The following PHF21A variants were observed in gnomAD, a reference collection of about 807,000 sequenced individuals.
The protein encoded by PHF21A is BHC80a.
A neutral mutation model predicts 82.5 loss-of-function variants in PHF21A; 11 were observed. The observed-to-expected ratio is 0.13, with a 90% confidence interval of 0.08 to 0.22. The LOEUF is 0.22. Among genes scored for constraint, PHF21A ranks in the 10% least tolerant of loss-of-function variants. The pLI, the probability that PHF21A is intolerant of heterozygous loss-of-function variation, is 1.00. For missense variants in PHF21A, 579 were observed against 837.8 expected, an observed-to-expected ratio of 0.69 and a Z score of 3.81; for synonymous variants, 297 against 302.8, an observed-to-expected ratio of 0.98 and a Z score of 0.20.
intron 6 of PHF21A, among the ~76,000 whole-genome samples, chr11:46,061,975 C>G (rs557380504): frequency 2.2e-4 from 34 of 152,256 alleles, no homozygotes; most frequent in African/African-American, 7.9e-4. Flanking sequence ...TACTGGAAAT[C>G]ACTGCTTTTC....
intron 6 of PHF21A, among the ~76,000 whole-genome samples, chr11:46,031,297 T>C (rs2095862328): frequency 6.6e-6 from 1 of 152,186 alleles, no homozygotes; most frequent in Non-Finnish European, 1.5e-5. Context: ...ATAATATAAT[T>C]CTAACTATAC....
intron 6 of PHF21A, among the ~76,000 whole-genome samples, chr11:46,037,126 A>AT (rs1475702588): frequency 1.3e-5 from 2 of 152,132 alleles, no homozygotes. Context: ...TCAAAGACTC[A>AT]TTTTTTGGTT....
chr11:46,068,604 C>A, intron 6 of PHF21A, among the ~76,000 whole-genome samples: 1 of 152,106 alleles, frequency 6.6e-6, no homozygotes, highest in Non-Finnish European at 1.5e-5. Flanking sequence ...ACAAACTTGG[C>A]CTTTGATTTG....
chr11:45,978,091 G>A (rs1307931124), intron 7 of PHF21A, among the ~76,000 whole-genome samples: 1 of 152,116 alleles, frequency 6.6e-6, no homozygotes, highest in East Asian at 1.9e-4. Flanking sequence ...CACGAGGTCA[G>A]GAGTTCGAGA....
intron 6 of PHF21A, among the ~76,000 whole-genome samples, chr11:46,009,032 T>C (rs1056965503): frequency 6.8e-6 from 1 of 146,000 alleles, no homozygotes; most frequent in African/African-American, 2.6e-5. Context: ...TGGAGTGCAG[T>C]GGCGTGATCC....
intron 1 of PHF21A, among the ~76,000 whole-genome samples, chr11:46,095,139 G>C (rs555178681): frequency 3.9e-5 from 6 of 152,094 alleles, no homozygotes; most frequent in African/African-American, 1.4e-4. Context: ...AAATCCCAAA[G>C]TGTTTCTTCT....
At chr11:46,003,958 T>C (rs559632568) in intron 6 of PHF21A, among the ~76,000 whole-genome samples, 6 of 152,334 alleles carry the variant, frequency 3.9e-5, no homozygotes, top group African/African-American at 1.4e-4. Flanking sequence ...TATGAAAATA[T>C]GTATCATCCT....
chr11:45,956,370 A>T (rs1375906287), intron 10 of PHF21A, among the ~76,000 whole-genome samples: 1 of 152,232 alleles, frequency 6.6e-6, no homozygotes, highest in Non-Finnish European at 1.5e-5. Flanking sequence ...CACACAATGT[A>T]TAAGATATAA....
chr11:45,985,503 G>A (rs1125290), intron 6 of PHF21A, among the ~76,000 whole-genome samples: 2 of 151,962 alleles, frequency 1.3e-5, no homozygotes, highest in African/African-American at 4.8e-5. Flanking sequence ...AATTCAATAA[G>A]AGAATCTGCA....
chr11:46,091,424 C>A (rs538170060), intron 2 of PHF21A, among the ~76,000 whole-genome samples: 1 of 152,202 alleles, frequency 6.6e-6, no homozygotes, highest in South Asian at 2.1e-4. Flanking sequence ...TTAAAAAAAC[C>A]TCTCAAAGTA....
intron 15 of PHF21A, 114 bp downstream of exon 15, chr11:45,945,726 T>C (rs987366795): frequency 1.2e-6 from 1 of 851,750 alleles, no homozygotes; most frequent in Non-Finnish European, 1.8e-6. Flanking sequence ...TAGTGTTTAA[T>C]TGCTGTTCCA....
chr11:45,934,218 A>G lies in PHF21A; in HGVS notation c.1796T>C (p.Met599Thr), dbSNP rs370166935. Residue 599 changes from methionine to threonine, a missense_variant, in exon 19 of 19, where the codon ATG becomes ACG. By Grantham distance (81) the Met-to-Thr change is moderately conservative. Transcript: ENST00000676320. Reference sequence around the variant, plus strand: ...GGCCAGGATGGTGTTCTTCATTTCCATGCATTTCTGCAGCAAATGACAAGG... The same window carrying G: ...GGCCAGGATGGTGTTCTTCATTTCCGTGCATTTCTGCAGCAAATGACAAGG... ...KQLSNSISKC[M>T]EMKNTILARQ... 9.9e-6 allele frequency: 16 copies of G among 1,612,294 alleles called. No individual in the cohort carries two copies. Among genetic ancestry groups the G allele is most frequent in the African/African-American group, 1.3e-5 (1 of 74,896 alleles).
Position 45,934,031 on chromosome 11 carries a change from C to T in PHF21A, c.1983G>A (p.Pro661=), listed in dbSNP as rs377700825. 1.5e-4 allele frequency: 242 copies of T among 1,611,600 alleles called. No homozygotes were observed. The highest frequency in any genetic ancestry group is 1.8e-4 in the Non-Finnish European group (207 of 1,178,856). ...TPPANAATST[P]APSPSSQSCT... ...AGCTCTGGGAGGAGGGGGAAGGGGCCGGCGTGGAGGTGGCGGCATTGGCAG... is the reference window on the plus strand; with the variant it reads ...AGCTCTGGGAGGAGGGGGAAGGGGCTGGCGTGGAGGTGGCGGCATTGGCAG... Residue 661 remains proline, a synonymous_variant, in exon 19 of 19, where the codon CCG becomes CCA. Transcript: ENST00000676320.
intron 6 of PHF21A, among the ~76,000 whole-genome samples, chr11:46,009,618 T>C (rs554267616): frequency 1.6e-4 from 25 of 152,316 alleles, no homozygotes; most frequent in African/African-American, 6.0e-4. Context: ...TAGTATGCTA[T>C]TTTACAGATG....
chr11:46,083,284 G>T (rs2096816398), intron 4 of PHF21A, among the ~76,000 whole-genome samples: 1 of 152,052 alleles, frequency 6.6e-6, no homozygotes, highest in East Asian at 1.9e-4. Context: ...AGGGATTTCT[G>T]AACAGGTGCT....
intron 15 of PHF21A, 64 bp downstream of exon 15, chr11:45,945,776 T>C: frequency 1.5e-6 from 2 of 1,370,992 alleles, no homozygotes; most frequent in Non-Finnish European, 2.0e-6. Context: ...GGAGACAACA[T>C]ATGATAACGC....
chr11:45,950,320 G>T, intron 11 of PHF21A, 63 bp from the exon 12 acceptor site: 3 of 1,423,540 alleles, frequency 2.1e-6, no homozygotes, highest in Non-Finnish European at 2.0e-6. Context: ...CCAATTGCCA[G>T]TTCCTAGTAG....
intron 15 of PHF21A, 34 bp downstream of exon 15, chr11:45,945,806 C>A: frequency 6.5e-7 from 1 of 1,537,906 alleles, no homozygotes; most frequent in South Asian, 1.3e-5. Context: ...TTTAAGCTCT[C>A]AGAAAGACAG....
chr11:45,998,691 T>C (rs1030566697), intron 6 of PHF21A, among the ~76,000 whole-genome samples: 1 of 151,986 alleles, frequency 6.6e-6, no homozygotes, highest in Non-Finnish European at 1.5e-5. Context: ...TTTGTATTTT[T>C]AGTAGAGACG....
Sources: gnomAD v4.1 joint callset for allele counts (sites outside exome capture counted in the v4.1 genomes callset) on GRCh38, gnomAD v4.1.1 for gene constraint, MANE v1.5 for transcripts, NCBI Gene and HGNC (gene_info 2026-07-23, HGNC 2026-07-21) for gene names.